Variants in LINGO2 observed in about 807,000 individuals in gnomAD.
LINGO2 encodes the protein leucine-rich repeat and immunoglobulin-like domain-containing nogo receptor-interacting protein 2.
Under a neutral mutation model 30.6 loss-of-function variants are expected in LINGO2, and 14 were observed. That is an observed-to-expected ratio of 0.46 (90% CI 0.30 to 0.72). The LOEUF (loss-of-function observed/expected upper bound fraction) is 0.72, where lower values mean the gene tolerates loss of function less well. Among genes scored for constraint, LINGO2 ranks in the 30% least tolerant of loss-of-function variants. The pLI is 0.07. For synonymous variants in LINGO2, 317 were observed against 288.5 expected, an observed-to-expected ratio of 1.10 and a Z score of -1.00; for missense variants, 729 against 751.7, an observed-to-expected ratio of 0.97 and a Z score of 0.35.
chr9:28,537,309 C>T (rs1472764768), intron 1 of LINGO2, among the ~76,000 whole-genome samples: 1 of 152,140 alleles, frequency 6.6e-6, no homozygotes, highest in Non-Finnish European at 1.5e-5. Flanking sequence ...CCCTAGCAAA[C>T]TAACACAGTC....
At chr9:28,150,130 G>A (rs542679796) in intron 4 of LINGO2, among the ~76,000 whole-genome samples, 1 of 149,412 alleles carries the variant, frequency 6.7e-6, no homozygotes, top group Admixed American at 6.7e-5. Context: ...TCTGGAAAGT[G>A]AGGAGCACCT....
exon 6 of LINGO2, chr9:27,950,210 G>T: frequency 6.2e-7 from 1 of 1,613,944 alleles, no homozygotes; most frequent in Non-Finnish European, 8.5e-7. Context: ...GAGACTTCAG[G>T]TTATGTAGAT....
the LINGO2 span, among the ~76,000 whole-genome samples, chr9:29,141,086 A>T: frequency 2.2e-4 from 34 of 152,198 alleles, no homozygotes; most frequent in African/African-American, 8.2e-4. Context: ...AGCAACACAA[A>T]AATATTTGAA....
chr9:28,947,665 CGTA>C, the LINGO2 span, among the ~76,000 whole-genome samples: 24,155 of 151,324 alleles, frequency 0.16, 1,942 homozygotes, highest in South Asian at 0.2. Context: ...ATTATCTGCT[CGTA>C]GTAAGAAGAA....
At chr9:28,358,906 T>G (rs955874546) in intron 3 of LINGO2, among the ~76,000 whole-genome samples, 1 of 152,128 alleles carries the variant, frequency 6.6e-6, no homozygotes, top group African/African-American at 2.4e-5. Flanking sequence ...CTTGTAAAGG[T>G]TGAATCCAAC....
intron 4 of LINGO2, among the ~76,000 whole-genome samples, chr9:28,195,244 G>A (rs903727193): frequency 6.6e-6 from 1 of 151,776 alleles, no homozygotes; most frequent in Non-Finnish European, 1.5e-5. Flanking sequence ...GGCATAAAAT[G>A]TGATAGTTAT....
At chr9:28,357,323 C>A (rs1034382044) in intron 3 of LINGO2, among the ~76,000 whole-genome samples, 1 of 145,122 alleles carries the variant, frequency 6.9e-6, no homozygotes, top group Non-Finnish European at 1.5e-5. Flanking sequence ...AAGCCCACCC[C>A]CCCCAAAAAA....
the LINGO2 span, among the ~76,000 whole-genome samples, chr9:28,948,989 C>T: frequency 4.6e-5 from 7 of 151,974 alleles, no homozygotes; most frequent in African/African-American, 7.2e-5. Flanking sequence ...TTCCTCTTAT[C>T]GGTTCACTTC....
chr9:27,950,692 A>G (rs1819263093), exon 6 of LINGO2: 1 of 1,493,142 alleles, frequency 6.7e-7, no homozygotes, highest in Admixed American at 2.4e-5. Flanking sequence ...CTTAGTCTAC[A>G]CCTTGGTCAC....
the LINGO2 span, among the ~76,000 whole-genome samples, chr9:28,892,065 A>T: frequency 2.0e-5 from 3 of 151,858 alleles, no homozygotes; most frequent in Admixed American, 1.3e-4. Context: ...TTCTTTATAA[A>T]TTTTTTTACC....
At chr9:28,249,327 A>G (rs1414990168) in intron 4 of LINGO2, among the ~76,000 whole-genome samples, 1 of 152,090 alleles carries the variant, frequency 6.6e-6, no homozygotes, top group Non-Finnish European at 1.5e-5. Context: ...AAGAAGTTTG[A>G]TATATTTGAT....
chr9:28,735,477 C>T, the LINGO2 span, among the ~76,000 whole-genome samples: 24 of 152,014 alleles, frequency 1.6e-4, no homozygotes, highest in Admixed American at 1.4e-3. Context: ...AATATTTCAA[C>T]TTATAAATAT....
At chr9:28,375,879 C>T (rs773196369) in intron 2 of LINGO2, among the ~76,000 whole-genome samples, 6 of 152,046 alleles carry the variant, frequency 3.9e-5, no homozygotes, top group African/African-American at 7.2e-5. Context: ...GGACACAGTA[C>T]GAATCTCATT....
At chr9:28,578,549 A>G (rs1030424052) in intron 1 of LINGO2, among the ~76,000 whole-genome samples, 2 of 152,188 alleles carry the variant, frequency 1.3e-5, no homozygotes. Context: ...ACAAGACTCA[A>G]TTTATAACAT....
chr9:28,784,431 G>A, the LINGO2 span, among the ~76,000 whole-genome samples: 1 of 152,170 alleles, frequency 6.6e-6, no homozygotes, highest in Non-Finnish European at 1.5e-5. Context: ...CTAGCTGTGT[G>A]ACCCTGTATT....
the LINGO2 span, among the ~76,000 whole-genome samples, chr9:29,159,141 A>C: frequency 6.6e-6 from 1 of 152,130 alleles, no homozygotes; most frequent in Non-Finnish European, 1.5e-5. Context: ...ATTCATACTG[A>C]AGATGGAGTT....
rs41372846 is a variant in LINGO2 at position 28,507,004 on chromosome 9, T to C, written c.-364-30979A>G. Among the ~76,000 whole-genome samples the C allele has an allele frequency of 7.6e-3, 1,162 of 152,162 alleles. 55 individuals are homozygous for C. In the East Asian group the frequency reaches 0.12, roughly 16 times the overall value. ...TCTGTGTAATGGAAAGTTCACACAA[T>C]TTGGAATTAAACAAAAAGTTTGAAT... On this transcript the variant is annotated intron_variant, in intron 1 of 5. Coordinates refer to ENST00000379992, the Ensembl canonical transcript of LINGO2.
the LINGO2 span, chr9:27,942,785 C>G: frequency 6.6e-6 from 1 of 152,078 alleles, no homozygotes; most frequent in African/African-American, 2.4e-5. Context: ...ACAAAAAAAT[C>G]TAACCACCCT....
chr9:28,752,975 G>A, the LINGO2 span, among the ~76,000 whole-genome samples: 7 of 152,136 alleles, frequency 4.6e-5, no homozygotes, highest in African/African-American at 1.2e-4. Flanking sequence ...GGTACCCAGC[G>A]AATGGGACAC....
Sources: allele counts gnomAD v4.1 joint callset (sites outside exome capture counted in the v4.1 genomes callset), GRCh38; gene constraint gnomAD v4.1.1; transcripts MANE v1.5; gene names NCBI Gene and HGNC (gene_info 2026-07-23, HGNC 2026-07-21).